The following GIMAP7 variants were observed in gnomAD, a reference collection of about 807,000 sequenced individuals.
GIMAP7 encodes the protein GTPase IMAP family member 7.
For synonymous variants in GIMAP7, 137 were observed against 129.3 expected, an observed-to-expected ratio of 1.06 and a Z score of -0.40; for missense variants, 323 against 359.7, an observed-to-expected ratio of 0.90 and a Z score of 0.83.
chr7:150,515,603 C>T (rs1313088375), intron 1 of GIMAP7, among the ~76,000 whole-genome samples: 2 of 152,288 alleles, frequency 1.3e-5, no homozygotes, highest in South Asian at 2.1e-4. Flanking sequence ...CAAGGAGCTA[C>T]GAAATTTTCT....
chr7:150,519,876 G>T, intron 1 of GIMAP7, 58 bp from the exon 2 acceptor site: 1 of 973,250 alleles, frequency 1.0e-6, no homozygotes, highest in Non-Finnish European at 1.6e-6. Context: ...AAAGAAGGTT[G>T]GGAATGGATC....
chr7:150,521,038 T>A lies in GIMAP7; in HGVS notation c.*161T>A, dbSNP rs138903749. 684 of 224,414 alleles carry A rather than the reference T, an allele frequency of 3.0e-3. 15 individuals carry two copies. The East Asian group carries it at 0.038, about 13-fold the overall frequency. The allele number at this position is 224,414 out of a possible 1,614,324, so 13.9% of individuals were successfully genotyped here. On this transcript the variant is annotated 3_prime_UTR_variant, in exon 2 of 2. Coordinates refer to ENST00000313543, the MANE Select transcript of GIMAP7 (RefSeq NM_153236.4). ...AATATATATATATATATACACACAT[T>A]GTGAAATAATGAAATAAAGGTAATT...
In GIMAP7 at chr7:150,520,175, C is replaced by G. The variant is rs1264420865; in HGVS notation, c.201C>G (p.Leu67=). 6.2e-7 allele frequency: 1 copy of G among 1,614,108 alleles called. No homozygotes were observed. The highest frequency in any genetic ancestry group is 1.1e-5 in the South Asian group (1 of 91,082). ...TTCTTGTTGTAGACACTCCAGGGCTCTTTGACACCAAGGAGAGCCTGGACA... is the reference window on the plus strand; with the variant it reads ...TTCTTGTTGTAGACACTCCAGGGCTGTTTGACACCAAGGAGAGCCTGGACA... ...RDLLVVDTPG[L]FDTKESLDTT... is the part of the protein sequence containing the mutation. Residue 67 remains leucine, a synonymous_variant, in exon 2 of 2, where the codon CTC becomes CTG. Coordinates refer to ENST00000313543, the MANE Select transcript of GIMAP7 (RefSeq NM_153236.4).
chr7:150,515,604 G>A (rs1795127734), intron 1 of GIMAP7, among the ~76,000 whole-genome samples: 1 of 152,200 alleles, frequency 6.6e-6, no homozygotes, highest in Admixed American at 6.5e-5. Context: ...AAGGAGCTAC[G>A]AAATTTTCTA....
chr7:150,520,675 T>C lies in GIMAP7; in HGVS notation c.701T>C (p.Leu234Pro), dbSNP rs1179372837. The C allele has an allele frequency of 1.9e-6, 3 of 1,603,898 alleles. No individual in the cohort carries two copies. Among genetic ancestry groups the C allele is most frequent in the Non-Finnish European group, 2.6e-6 (3 of 1,171,382 alleles). ...GACCAATTAAATGAAGAAATTAAAC[T>C]AGTAGAAGAGGATAAGCATAAATCA... ...YTDQLNEEIK[L>P]VEEDKHKSEE... Residue 234 changes from leucine to proline, a missense_variant, in exon 2 of 2, where the codon CTA becomes CCA. Leu to Pro is a moderately conservative substitution (Grantham distance 98, BLOSUM62 -3). Coordinates refer to ENST00000313543, the MANE Select transcript of GIMAP7 (RefSeq NM_153236.4).
chr7:150,515,436 T>A (rs1005448538), intron 1 of GIMAP7, among the ~76,000 whole-genome samples: 1 of 152,228 alleles, frequency 6.6e-6, no homozygotes, highest in East Asian at 1.9e-4. Context: ...AGAGACAAGC[T>A]GTGTCCCTAA....
At position 150,520,361 on chromosome 7, in the gene GIMAP7, C is replaced by G. The variant is rs1179490685; in HGVS notation, c.387C>G (p.Ile129Met). The change falls in exon 2 of 2, where the codon ATC (isoleucine) becomes ATG (methionine). Residue 129 changes from isoleucine (I) to methionine (M), a missense_variant. Physicochemically the swap from Ile to Met is conservative, Grantham distance 10 (BLOSUM62 1). Coordinates refer to ENST00000313543, the MANE Select transcript of GIMAP7 (RefSeq NM_153236.4). ...FGKSAMKHMV[I>M]LFTRKEELEG... ...AGTCAGCCATGAAGCACATGGTCAT[C>G]TTGTTCACTCGCAAAGAAGAGTTGG... 2.5e-5 allele frequency: 40 copies of G among 1,614,102 alleles called. No homozygotes were observed. Among genetic ancestry groups the G allele is most frequent in the Non-Finnish European group, 3.2e-5 (38 of 1,180,052 alleles).
Position 150,520,281 on chromosome 7 carries a change from C to A in GIMAP7, c.307C>A (p.Arg103Ser). Residue 103 changes from arginine to serine, a missense_variant, in exon 2 of 2, where the codon CGC (arginine) becomes AGC (serine). Coordinates refer to ENST00000313543, the MANE Select transcript of GIMAP7 (RefSeq NM_153236.4). ...TATTGTCCTAGTTCTGCTGCTGGGC[C>A]GCTACACAGAGGAGGAGCAGAAAAC... ...HAIVLVLLLG[R>S]YTEEEQKTVA... 1 of 1,614,062 alleles carries A rather than the reference C, an allele frequency of 6.2e-7. No individual in the cohort carries two copies. The highest frequency in any genetic ancestry group is 1.3e-5 in the African/African-American group (1 of 75,000).
Position 150,520,811 on chromosome 7 carries a change from G to T in GIMAP7, c.837G>T (p.Arg279Ser). Residue 279 changes from arginine to serine, a missense_variant, in exon 2 of 2, where the codon AGG (arginine) becomes AGT (serine). By Grantham distance (110) the Arg-to-Ser change is moderately radical. Transcript: ENST00000313543. ...ATATATTTAAAGATGTTTTTAATAG[G>T]ATTTGGAAGATGCTTTCAGAAATAT... ...ERNIFKDVFN[R>S]IWKMLSEIWH... 6.6e-7 allele frequency: 1 copy of T among 1,513,494 alleles called. No individual in the cohort carries two copies. Among genetic ancestry groups the T allele is most frequent in the South Asian group, 1.3e-5 (1 of 75,076 alleles). The allele number at this position is 1,513,494 out of a possible 1,614,324, so 93.8% of individuals were successfully genotyped here.
chr7:150,520,238 C>G lies in GIMAP7; in HGVS notation c.264C>G (p.Ser88=). The G allele has an allele frequency of 3.7e-6, 6 of 1,614,182 alleles. No individual in the cohort carries two copies. In the Admixed American group the frequency reaches 8.3e-5, roughly 22 times the overall value. The change falls in exon 2 of 2, where the codon TCC becomes TCG. Residue 88 remains serine, a synonymous_variant. Coordinates refer to ENST00000313543, the MANE Select transcript of GIMAP7 (RefSeq NM_153236.4). ...AAATCAGCCGCTGCATCATCTCCTC[C>G]TGCCCAGGGCCCCATGCTATTGTCC... ...CKEISRCIIS[S]CPGPHAIVLV...
Position 150,520,426 on chromosome 7 carries a change from T to C in GIMAP7, c.452T>C (p.Val151Ala). ...SFHDFIADAD[V>A]GLKSIVKECG... ...CATGACTTCATAGCAGATGCGGATG[T>C]GGGCCTAAAAAGCATCGTCAAGGAG... Residue 151 changes from valine (V) to alanine (A), a missense_variant, in exon 2 of 2, where the codon GTG becomes GCG. Coordinates refer to ENST00000313543, the MANE Select transcript of GIMAP7 (RefSeq NM_153236.4). 6.2e-7 allele frequency: 1 copy of C among 1,614,220 alleles called. No homozygotes were observed.
Position 150,520,477 on chromosome 7 carries a change from G to GCAA in GIMAP7, c.506_508dup (p.Asn169dup), listed in dbSNP as rs747618380. On this transcript the variant is annotated inframe_insertion, in exon 2 of 2. Transcript: ENST00000313543. ...TGCGGGAACCGCTGCTGTGCCTTTA[G>GCAA]CAACAGCAAGAAAACCAGTAAGGCA... The GCAA allele has an allele frequency of 5.0e-6, 8 of 1,614,106 alleles. No homozygotes were observed. The African/African-American group carries it at 9.3e-5, about 19-fold the overall frequency.
rs768819463 is a variant in GIMAP7, at chr7:150,520,004, G to A, written c.30G>A (p.Arg10=). 2 of 1,614,128 alleles carry A rather than the reference G, an allele frequency of 1.2e-6. No individual in the cohort carries two copies. The highest frequency in any genetic ancestry group is 1.7e-6 in the Non-Finnish European group (2 of 1,179,996). MAESEDRSL[R]IVLVGKTGSG... is the part of the protein sequence containing the mutation. Reference sequence around the variant, plus strand: ...CTGAGAGTGAGGACCGCTCCCTGAGGATCGTTCTGGTAGGGAAAACTGGAA... The same window carrying A: ...CTGAGAGTGAGGACCGCTCCCTGAGAATCGTTCTGGTAGGGAAAACTGGAA... Residue 10 remains arginine (R), a synonymous_variant, in exon 2 of 2, where the codon AGG becomes AGA. Coordinates refer to ENST00000313543, the MANE Select transcript of GIMAP7 (RefSeq NM_153236.4).
Position 150,520,594 on chromosome 7 carries a change from A to C in GIMAP7, c.620A>C (p.Lys207Thr). The C allele has an allele frequency of 6.2e-7, 1 of 1,614,228 alleles. No individual in the cohort carries two copies. Among genetic ancestry groups the C allele is most frequent in the Non-Finnish European group, 8.5e-7 (1 of 1,180,032 alleles). ...GCTTACTTTTCTGATGACATATACAAGGACACAGAGGAAAGGCTGAAACAA... is the reference window on the plus strand; with the variant it reads ...GCTTACTTTTCTGATGACATATACACGGACACAGAGGAAAGGCTGAAACAA... The part of the protein sequence containing the change: ...EGAYFSDDIY[K>T]DTEERLKQRE... Residue 207 changes from lysine (K) to threonine (T), a missense_variant, in exon 2 of 2, where the codon AAG (lysine) becomes ACG (threonine). By Grantham distance (78) the Lys-to-Thr change is moderately conservative (BLOSUM62 -1). Coordinates refer to ENST00000313543, the MANE Select transcript of GIMAP7 (RefSeq NM_153236.4).
intron 1 of GIMAP7, among the ~76,000 whole-genome samples, chr7:150,516,108 C>T (rs1411170009): frequency 6.6e-6 from 1 of 152,194 alleles, no homozygotes; most frequent in Non-Finnish European, 1.5e-5. Context: ...TTTTGAGCCA[C>T]ACCAGCTTCC....
chr7:150,518,663 A>G (rs117147620), intron 1 of GIMAP7, among the ~76,000 whole-genome samples: 3 of 152,182 alleles, frequency 2.0e-5, no homozygotes, highest in South Asian at 4.2e-4. Context: ...TAATTTGCCT[A>G]TGGTGTTGTA....
chr7:150,515,320 C>G (rs577489541), intron 1 of GIMAP7, among the ~76,000 whole-genome samples: 4 of 152,142 alleles, frequency 2.6e-5, no homozygotes, highest in Non-Finnish European at 5.9e-5. Flanking sequence ...GAAAAAGAAT[C>G]AGAATCCCAA....
At position 150,519,940 on chromosome 7, in the gene GIMAP7, T is replaced by C. The variant is rs762443766; in HGVS notation, c.-35T>C. 3.8e-6 allele frequency: 6 copies of C among 1,599,814 alleles called. No individual in the cohort carries two copies. Among genetic ancestry groups the C allele is most frequent in the Non-Finnish European group, 4.3e-6 (5 of 1,170,404 alleles). On this transcript the variant is annotated 5_prime_UTR_variant, in exon 2 of 2. Transcript: ENST00000313543. The stretch of plus-strand genomic sequence containing the variant: ...CTATCTTCCCCTCCTTAAGGTCTTG[T>C]ACGTGCCTAAGTTCTAGAGCCTCCT...
rs1405127621 is a variant in GIMAP7, at chr7:150,520,244, A to G, written c.270A>G (p.Pro90=). The change falls in exon 2 of 2, where the codon CCA becomes CCG. Residue 90 remains proline, a synonymous_variant. Coordinates refer to ENST00000313543, the MANE Select transcript of GIMAP7 (RefSeq NM_153236.4). ...EISRCIISSC[P]GPHAIVLVLL... is the part of the protein sequence containing the mutation. ...GCCGCTGCATCATCTCCTCCTGCCC[A>G]GGGCCCCATGCTATTGTCCTAGTTC... is the stretch of plus-strand genomic sequence containing the variant. 1 of 1,614,174 alleles carries G rather than the reference A, an allele frequency of 6.2e-7. No individual in the cohort carries two copies. Among genetic ancestry groups the G allele is most frequent in the Admixed American group, 1.7e-5 (1 of 60,018 alleles).
Sources: gnomAD v4.1 joint callset for allele counts (sites outside exome capture counted in the v4.1 genomes callset) on GRCh38, gnomAD v4.1.1 for gene constraint, MANE v1.5 for transcripts, NCBI Gene and HGNC (gene_info 2026-07-23, HGNC 2026-07-21) for gene names.